The following SDC2 variants were observed in gnomAD, a reference collection of about 807,000 sequenced individuals.
SDC2 encodes syndecan 2.
A neutral mutation model predicts 22.2 loss-of-function variants in SDC2; 13 were observed. The ratio of observed to expected loss-of-function variants is 0.59; its 90% CI spans 0.38 to 0.93. The LOEUF (loss-of-function observed/expected upper bound fraction) is 0.93. SDC2 is among the 40% of genes least tolerant of loss of function. The pLI, the probability that SDC2 is intolerant of heterozygous loss-of-function variation, is 0.00. For synonymous variants in SDC2, 94 were observed against 92.8 expected (o/e 1.01, Z -0.07); for missense variants, 235 against 246.8 (o/e 0.95, Z 0.32).
At chr8:96,521,168 AAT>A (rs1394729612) in intron 1 of SDC2, among the ~76,000 whole-genome samples, 3 of 152,222 alleles carry the variant, frequency 2.0e-5, no homozygotes, top group Non-Finnish European at 4.4e-5. Flanking sequence ...TCGTATAAAT[AAT>A]ATGTTGTGTA....
chr8:96,527,115 T>G (rs749788764), intron 1 of SDC2, among the ~76,000 whole-genome samples: 2 of 152,324 alleles, frequency 1.3e-5, no homozygotes, highest in Non-Finnish European at 1.5e-5. Context: ...CTATCCATAG[T>G]AGGTGCTTAG....
intron 1 of SDC2, among the ~76,000 whole-genome samples, chr8:96,574,307 G>T (rs1227139192): frequency 6.6e-6 from 1 of 152,088 alleles, no homozygotes; most frequent in African/African-American, 2.4e-5. Flanking sequence ...GTGTGCACCT[G>T]GGATCTGAGG....
At chr8:96,536,964 A>T (rs537293582) in intron 1 of SDC2, among the ~76,000 whole-genome samples, 1 of 152,320 alleles carries the variant, frequency 6.6e-6, no homozygotes, top group East Asian at 1.9e-4. Context: ...CTGAATCTTC[A>T]GCAGCTGGTC....
At chr8:96,531,718 G>T (rs1475987103) in intron 1 of SDC2, among the ~76,000 whole-genome samples, 1 of 152,302 alleles carries the variant, frequency 6.6e-6, no homozygotes, top group Non-Finnish European at 1.5e-5. Context: ...GGAAACCGTG[G>T]TTACTTGGCG....
chr8:96,581,219 C>T (rs1484280816), intron 1 of SDC2, among the ~76,000 whole-genome samples: 3 of 152,268 alleles, frequency 2.0e-5, no homozygotes, highest in Admixed American at 6.5e-5. Flanking sequence ...TTGTTTTAAA[C>T]GTATTCTCAA....
chr8:96,559,199 C>T (rs928381676), intron 1 of SDC2, among the ~76,000 whole-genome samples: 2 of 152,050 alleles, frequency 1.3e-5, no homozygotes, highest in Non-Finnish European at 2.9e-5. Flanking sequence ...GGTGTGATGA[C>T]ATGAGACAAG....
intron 1 of SDC2, among the ~76,000 whole-genome samples, chr8:96,571,677 T>G (rs1388772173): frequency 1.3e-5 from 2 of 152,292 alleles, no homozygotes; most frequent in South Asian, 2.1e-4. Context: ...TCTTGCTGGC[T>G]TACATACCAC....
chr8:96,608,338 C>G lies in SDC2; in HGVS notation c.310C>G (p.Pro104Ala). The G allele has an allele frequency of 6.2e-7, 1 of 1,612,418 alleles. No individual in the cohort carries two copies. Among genetic ancestry groups the G allele is most frequent in the Non-Finnish European group, 8.5e-7 (1 of 1,179,252 alleles). ...QNKIPAQTKS[P>A]EETDKEKVHL... ...CTTTCCCTGTTTCCCATACCAGTCA[C>G]CTGAAGAAACTGATAAAGAGAAAGT... The change falls in exon 4 of 5, where the codon CCT (proline) becomes GCT (alanine). Residue 104 changes from proline (P) to alanine (A), a missense_variant. By Grantham distance (27) the Pro-to-Ala change is conservative. Coordinates refer to ENST00000302190, the MANE Select transcript of SDC2 (RefSeq NM_002998.4).
chr8:96,554,480 G>A (rs1404504128), intron 1 of SDC2, among the ~76,000 whole-genome samples: 1 of 151,622 alleles, frequency 6.6e-6, no homozygotes, highest in Non-Finnish European at 1.5e-5. Context: ...CCAGCATTTA[G>A]TTAAAAAAAA....
intron 1 of SDC2, among the ~76,000 whole-genome samples, chr8:96,512,918 T>C (rs376951129): frequency 1.3e-5 from 2 of 152,324 alleles, no homozygotes; most frequent in African/African-American, 4.8e-5. Context: ...CATCAAACGA[T>C]GAGTGTTGGA....
intron 1 of SDC2, among the ~76,000 whole-genome samples, chr8:96,497,559 G>T (rs1461223745): frequency 6.6e-6 from 1 of 152,110 alleles, no homozygotes; most frequent in East Asian, 1.9e-4. Flanking sequence ...TCATTAGTTT[G>T]GAAAGGATTT....
intron 1 of SDC2, among the ~76,000 whole-genome samples, chr8:96,519,626 A>G (rs763793503): frequency 2.0e-5 from 3 of 152,094 alleles, no homozygotes; most frequent in Non-Finnish European, 2.9e-5. Context: ...TTAAATCGCA[A>G]TTTAATTATT....
At chr8:96,574,513 C>T (rs542561144) in intron 1 of SDC2, among the ~76,000 whole-genome samples, 1 of 152,266 alleles carries the variant, frequency 6.6e-6, no homozygotes, top group African/African-American at 2.4e-5. Flanking sequence ...GAAGTAACTG[C>T]CCTTCCCCAC....
At position 96,593,606 on chromosome 8, in the gene SDC2, T is replaced by C. The variant is rs1191024708; in HGVS notation, c.172+15T>C. 5.3e-6 allele frequency: 8 copies of C among 1,501,808 alleles called. No homozygotes were observed. The highest frequency in any genetic ancestry group is 6.5e-6 in the Non-Finnish European group (7 of 1,078,342). The allele number at this position is 1,501,808 out of a possible 1,614,324, so 93.0% of individuals were successfully genotyped here. On this transcript the variant is annotated intron_variant, in intron 2 of 4. Transcript: ENST00000302190. The stretch of plus-strand genomic sequence containing the variant: ...GTCTGGCTCGGGTAAGGTGGCTGCT[T>C]CTAAACACTGGACCTCATTCTCCAG...
chr8:96,503,828 A>G (rs1410316192), intron 1 of SDC2, among the ~76,000 whole-genome samples: 1 of 152,226 alleles, frequency 6.6e-6, no homozygotes, highest in Non-Finnish European at 1.5e-5. Context: ...TCAGAGAATG[A>G]TAGAAGGCTG....
At chr8:96,564,368 G>T (rs1375470920) in intron 1 of SDC2, among the ~76,000 whole-genome samples, 2 of 152,212 alleles carry the variant, frequency 1.3e-5, no homozygotes, top group Non-Finnish European at 2.9e-5. Context: ...GGGATGGGAT[G>T]TCCAAGGGTG....
chr8:96,576,388 T>G, intron 1 of SDC2, among the ~76,000 whole-genome samples: 1 of 103,514 alleles, frequency 9.7e-6, no homozygotes, highest in African/African-American at 3.9e-5. Context: ...TGTTTTGTTT[T>G]TTTTTACCAG....
intron 2 of SDC2, among the ~76,000 whole-genome samples, chr8:96,598,665 A>G (rs2582801): frequency 0.39 from 58,975 of 151,870 alleles, 12,562 homozygotes; most frequent in Non-Finnish European, 0.48. Context: ...GAGCATGGGA[A>G]CATAGAGACA....
At chr8:96,564,959 T>C (rs1481135762) in intron 1 of SDC2, among the ~76,000 whole-genome samples, 1 of 152,076 alleles carries the variant, frequency 6.6e-6, no homozygotes, top group East Asian at 1.9e-4. Context: ...AAGTTAGCAA[T>C]GGGATATCCC....
Sources: gnomAD v4.1 joint callset for allele counts (sites outside exome capture counted in the v4.1 genomes callset) on GRCh38, gnomAD v4.1.1 for gene constraint, MANE v1.5 for transcripts, NCBI Gene and HGNC (gene_info 2026-07-23, HGNC 2026-07-21) for gene names.